Variants in CCSER1 observed in about 807,000 individuals in gnomAD.
CCSER1 encodes serine-rich coiled-coil domain-containing protein 1.
A neutral mutation model predicts 82.0 loss-of-function variants in CCSER1; 41 were observed. The ratio of observed to expected loss-of-function variants is 0.50; its 90% confidence interval spans 0.39 to 0.65. CCSER1 has a LOEUF of 0.65. Among genes scored for constraint, CCSER1 ranks in the 30% least tolerant of loss-of-function variants. The pLI is 0.00. For synonymous variants in CCSER1, 414 were observed against 383.9 expected (o/e 1.08, Z -0.92); for missense variants, 1,119 against 1,064.2 (o/e 1.05, Z -0.72).
chr4:91,536,095 C>T (rs1338531044), intron 10 of CCSER1, among the ~76,000 whole-genome samples: 2 of 152,008 alleles, frequency 1.3e-5, no homozygotes, highest in South Asian at 2.1e-4. Flanking sequence ...CAACATAAAA[C>T]GTTTGTGAAA....
At chr4:90,405,540 A>G (rs1753586531) in intron 4 of CCSER1, among the ~76,000 whole-genome samples, 1 of 152,168 alleles carries the variant, frequency 6.6e-6, no homozygotes, top group Non-Finnish European at 1.5e-5. Context: ...CAAAAACATC[A>G]TGACCTACGC....
At chr4:91,408,951 G>GA (rs1752866068) in intron 10 of CCSER1, among the ~76,000 whole-genome samples, 1 of 152,060 alleles carries the variant, frequency 6.6e-6, no homozygotes, top group Admixed American at 6.6e-5. Context: ...GTCAGACCTG[G>GA]GTGTTCATGA....
intron 10 of CCSER1, among the ~76,000 whole-genome samples, chr4:91,204,850 G>A (rs975269073): frequency 2.0e-5 from 3 of 151,576 alleles, no homozygotes; most frequent in Middle Eastern, 3.6e-3. Context: ...GAAAAATATT[G>A]AAATTACATA....
At chr4:90,340,985 CAT>C (rs996166572) in intron 3 of CCSER1, among the ~76,000 whole-genome samples, 120 of 152,088 alleles carry the variant, frequency 7.9e-4, no homozygotes, top group African/African-American at 2.8e-3. Flanking sequence ...CAAATTGTAA[CAT>C]AACTTTAAAA....
At chr4:91,199,830 T>A (rs1049273232) in intron 10 of CCSER1, among the ~76,000 whole-genome samples, 1 of 150,678 alleles carries the variant, frequency 6.6e-6, no homozygotes, top group Non-Finnish European at 1.5e-5. Context: ...TGATTATAGG[T>A]TTTTTTTTAA....
chr4:91,269,071 G>T (rs1741831836), intron 10 of CCSER1, among the ~76,000 whole-genome samples: 1 of 152,150 alleles, frequency 6.6e-6, no homozygotes. Flanking sequence ...CTATTTAAAG[G>T]CACTTTGGCC....
At chr4:90,492,538 A>T (rs1768219514) in intron 5 of CCSER1, among the ~76,000 whole-genome samples, 1 of 151,958 alleles carries the variant, frequency 6.6e-6, no homozygotes, top group African/African-American at 2.4e-5. Context: ...CTCTGATCTT[A>T]GTTATTTCTT....
chr4:90,591,795 C>A (rs1782733377), intron 5 of CCSER1, among the ~76,000 whole-genome samples: 1 of 152,156 alleles, frequency 6.6e-6, no homozygotes, highest in Non-Finnish European at 1.5e-5. Flanking sequence ...AAATCCCCAT[C>A]AGTGATAGAC....
chr4:91,506,739 A>G lies in CCSER1; in HGVS notation c.2218-91833A>G, dbSNP rs554496045. On this transcript the variant is annotated intron_variant, in intron 10 of 10. Coordinates refer to ENST00000509176, the MANE Select transcript of CCSER1 (RefSeq NM_001145065.2). ...CAATTAAGTTGTTTTCAGTATGTGC[A>G]TAGAGTTGAGCAACCATTACCATTG... Among the ~76,000 whole-genome samples, 13 of 152,310 alleles carry G rather than the reference A, an allele frequency of 8.5e-5. No individual in the cohort carries two copies. The South Asian group carries it at 2.7e-3, about 32-fold the overall frequency.
intron 6 of CCSER1, among the ~76,000 whole-genome samples, chr4:90,645,494 G>A (rs2870254): frequency 0.13 from 20,160 of 152,152 alleles, 1,766 homozygotes; most frequent in East Asian, 0.33. Context: ...ATCTAGATAT[G>A]TAGGGATTTA....
intron 1 of CCSER1, among the ~76,000 whole-genome samples, chr4:90,254,588 G>A (rs936160981): frequency 2.0e-5 from 3 of 152,090 alleles, no homozygotes. Context: ...AATGGGCTGG[G>A]CAGGATGAGA....
At chr4:90,647,144 G>C (rs112940996) in intron 6 of CCSER1, among the ~76,000 whole-genome samples, 1 of 152,068 alleles carries the variant, frequency 6.6e-6, no homozygotes, top group African/African-American at 2.4e-5. Flanking sequence ...ATTATAATGA[G>C]AATTTTTAAC....
chr4:90,639,082 G>C (rs1056923496), intron 6 of CCSER1, among the ~76,000 whole-genome samples: 30 of 151,906 alleles, frequency 2.0e-4, no homozygotes, highest in African/African-American at 7.2e-4. Flanking sequence ...CCACTGCAGT[G>C]ATCTTACTTG....
intron 10 of CCSER1, among the ~76,000 whole-genome samples, chr4:91,232,304 C>T (rs553116353): frequency 5.3e-5 from 8 of 151,784 alleles, no homozygotes; most frequent in East Asian, 3.9e-4. Flanking sequence ...TCTACAATAG[C>T]GAAAGCTTAA....
At chr4:90,544,484 T>C (rs1365685898) in intron 5 of CCSER1, among the ~76,000 whole-genome samples, 1 of 152,142 alleles carries the variant, frequency 6.6e-6, no homozygotes, top group African/African-American at 2.4e-5. Context: ...CGGACAACAC[T>C]GATTTTCTCT....
chr4:90,348,136 G>A (rs1340224799), intron 3 of CCSER1, among the ~76,000 whole-genome samples: 1 of 152,054 alleles, frequency 6.6e-6, no homozygotes, highest in Non-Finnish European at 1.5e-5. Context: ...GTGGGAGGAG[G>A]GAGAAGATCA....
At chr4:90,699,689 C>T (rs1336457247) in intron 6 of CCSER1, among the ~76,000 whole-genome samples, 2 of 152,184 alleles carry the variant, frequency 1.3e-5, no homozygotes, top group African/African-American at 2.4e-5. Flanking sequence ...GGCAAAGCAG[C>T]TTCTGCCTTC....
intron 10 of CCSER1, among the ~76,000 whole-genome samples, chr4:91,313,372 T>C (rs1745624629): frequency 6.6e-6 from 1 of 151,956 alleles, no homozygotes; most frequent in Non-Finnish European, 1.5e-5. Context: ...TTTGCATTCT[T>C]TCTATCACTT....
At chr4:91,456,800 A>G (rs1216325683) in intron 10 of CCSER1, among the ~76,000 whole-genome samples, 1 of 152,144 alleles carries the variant, frequency 6.6e-6, no homozygotes, top group Non-Finnish European at 1.5e-5. Flanking sequence ...CCACTAAAAT[A>G]CTAATACTGA....
Sources: allele counts gnomAD v4.1 joint callset (sites outside exome capture counted in the v4.1 genomes callset), GRCh38; gene constraint gnomAD v4.1.1; transcripts MANE v1.5; gene names NCBI Gene and HGNC (gene_info 2026-07-23, HGNC 2026-07-21).